The following ZNF638 variants were observed in gnomAD, a reference collection of about 807,000 sequenced individuals.
ZNF638 encodes the protein CTCL tumor antigen se33-1.
ZNF638 carries 46 observed loss-of-function variants against 195.6 expected under a neutral mutation model. That is an observed-to-expected ratio of 0.24 (90% CI 0.19 to 0.30). The LOEUF is 0.30. ZNF638 is among the 10% of genes least tolerant of loss of function. The pLI, the probability that ZNF638 is intolerant of heterozygous loss-of-function variation, is 1.00. For missense variants in ZNF638, 2,440 were observed against 2,325.3 expected (o/e 1.05, Z -1.01); for synonymous variants, 845 against 772.0 (o/e 1.09, Z -1.57).
chr2:71,424,390 T>G (rs1350304360), intron 22 of ZNF638, among the ~76,000 whole-genome samples: 1 of 152,154 alleles, frequency 6.6e-6, no homozygotes, highest in Non-Finnish European at 1.5e-5. Flanking sequence ...GAAGCTTCCT[T>G]TATCAGGTCA....
At chr2:71,341,571 T>A (rs2078762279) in intron 1 of ZNF638, 1 of 152,218 alleles carries the variant, frequency 6.6e-6, no homozygotes, top group Non-Finnish European at 1.5e-5. Context: ...GCAGCTTTAT[T>A]GTTTCTGTAA....
chr2:71,350,038 G>C lies in ZNF638; in HGVS notation c.1084G>C (p.Val362Leu), dbSNP rs751043105. 6.2e-7 allele frequency: 1 copy of C among 1,614,110 alleles called. No individual in the cohort carries two copies. Among genetic ancestry groups the C allele is most frequent in the Non-Finnish European group, 8.5e-7 (1 of 1,180,024 alleles). The change falls in exon 2 of 28, where the codon GTA (valine) becomes CTA (leucine). Residue 362 changes from valine to leucine, a missense_variant. By Grantham distance (32) the Val-to-Leu change is conservative (BLOSUM62 1). Transcript: ENST00000264447. ...PHEPVINSSN[V>L]HVGSRGSKKN... ...TGAACCTGTGATTAATTCATCTAAC[G>C]TACATGTTGGATCAAGAGGAAGTAA...
intron 17 of ZNF638, 70 bp downstream of exon 17, chr2:71,404,068 T>G: frequency 6.8e-7 from 1 of 1,459,958 alleles, no homozygotes; most frequent in African/African-American, 1.4e-5. Flanking sequence ...GTCTGTTATG[T>G]TTTCTAGTTT....
At chr2:71,432,470 G>T (rs2080685194) in intron 26 of ZNF638, among the ~76,000 whole-genome samples, 1 of 152,168 alleles carries the variant, frequency 6.6e-6, no homozygotes, top group Non-Finnish European at 1.5e-5. Context: ...CAAAGTGCTG[G>T]GATTATAGGC....
intron 10 of ZNF638, among the ~76,000 whole-genome samples, chr2:71,382,058 A>C (rs2079543408): frequency 1.3e-5 from 2 of 152,090 alleles, no homozygotes; most frequent in Non-Finnish European, 2.9e-5. Context: ...ATTATATGGA[A>C]TTTTTCAGTA....
chr2:71,424,801 A>T lies in ZNF638; in HGVS notation c.4590+86A>T, dbSNP rs979007794. The stretch of plus-strand genomic sequence containing the variant: ...TCTTATAACTTGTGCCTGCCTTAAC[A>T]ATGTTAGTGACTAAGAGTTTAGAGC... On this transcript the variant is annotated intron_variant, in intron 23 of 27. Coordinates refer to ENST00000264447, the MANE Select transcript of ZNF638 (RefSeq NM_014497.5). The T allele has an allele frequency of 5.8e-5, 64 of 1,095,140 alleles. 1 individual carries two copies. In the African/African-American group the frequency reaches 9.2e-4, roughly 16 times the overall value. 67.8% of individuals were successfully genotyped at this position (1,095,140 alleles called of 1,614,324 possible).
Position 71,365,429 on chromosome 2 carries a change from A to T in ZNF638, c.1718A>T (p.Asp573Val). 1.3e-6 allele frequency: 2 copies of T among 1,576,150 alleles called. No individual in the cohort carries two copies. Among genetic ancestry groups the T allele is most frequent in the Non-Finnish European group, 1.7e-6 (2 of 1,165,504 alleles). ...AATTATATTTATATCTTTTTACTAG[A>T]TAGAAAAAAAGCATTAGAAGATGTA... ...RMSRRSVRSS[D>V]RKKALEDVVQ... The change falls in exon 6 of 28, where the codon GAT (aspartate) becomes GTT (valine). Residue 573 changes from aspartate to valine, a missense_variant and splice_region_variant. Coordinates refer to ENST00000264447, the MANE Select transcript of ZNF638 (RefSeq NM_014497.5).
chr2:71,391,915 G>A (rs1392822458), intron 10 of ZNF638, among the ~76,000 whole-genome samples: 1 of 152,152 alleles, frequency 6.6e-6, no homozygotes, highest in African/African-American at 2.4e-5. Context: ...TCAGTTGTTT[G>A]TTTTTCCTGC....
At chr2:71,419,446 G>A (rs188827804) in intron 21 of ZNF638, among the ~76,000 whole-genome samples, 21 of 152,304 alleles carry the variant, frequency 1.4e-4, no homozygotes, top group Non-Finnish European at 2.6e-4. Context: ...ATGCACTGAT[G>A]TTAAGATCCC....
intron 10 of ZNF638, among the ~76,000 whole-genome samples, chr2:71,383,762 C>CTTTTTTTTTTTTTTTTTTTTTT (rs1181570876): frequency 5.6e-4 from 43 of 76,720 alleles, no homozygotes; most frequent in Non-Finnish European, 6.6e-4. Context: ...TTTTCTTTTT[C>CTTTTTTTTTTTTTTTTTTTTTT]TTTTTTTTTT....
At chr2:71,389,346 TATAAAG>T (rs1427284630) in intron 10 of ZNF638, among the ~76,000 whole-genome samples, 4 of 152,166 alleles carry the variant, frequency 2.6e-5, no homozygotes, top group Non-Finnish European at 4.4e-5. Context: ...TTTTGACGCT[TATAAAG>T]ATAAGAAAAA....
intron 10 of ZNF638, chr2:71,393,753 T>A (rs889061814): frequency 1.3e-5 from 8 of 635,606 alleles, no homozygotes; most frequent in Non-Finnish European, 2.0e-5. Context: ...TCTTACGCCC[T>A]GTTACCTGGG....
At chr2:71,431,301 A>G in intron 25 of ZNF638, 26 bp from the exon 26 acceptor site, 1 of 1,580,284 alleles carries the variant, frequency 6.3e-7, no homozygotes, top group Non-Finnish European at 8.7e-7. Context: ...TATTCTGAAT[A>G]GCTTTTTTTC....
At chr2:71,357,161 C>A (rs1222364057) in intron 3 of ZNF638, among the ~76,000 whole-genome samples, 1 of 152,130 alleles carries the variant, frequency 6.6e-6, no homozygotes, top group East Asian at 1.9e-4. Flanking sequence ...TAAAGCACTT[C>A]TTTCTCCATA....
intron 11 of ZNF638, among the ~76,000 whole-genome samples, chr2:71,397,671 T>C (rs1207080694): frequency 1.3e-5 from 2 of 152,196 alleles, no homozygotes; most frequent in African/African-American, 4.8e-5. Flanking sequence ...ATCTTGGGCT[T>C]TTTCCTCATC....
At chr2:71,356,091 C>G (rs897106199) in intron 3 of ZNF638, among the ~76,000 whole-genome samples, 1 of 152,222 alleles carries the variant, frequency 6.6e-6, no homozygotes, top group African/African-American at 2.4e-5. Context: ...CCTTTCTTCT[C>G]CTATCTCCAC....
intron 1 of ZNF638, among the ~76,000 whole-genome samples, chr2:71,339,446 C>T (rs757888815): frequency 3.9e-5 from 6 of 152,146 alleles, no homozygotes; most frequent in Non-Finnish European, 7.4e-5. Context: ...CCACCGCGCC[C>T]GGCCAGTTTA....
rs760514632 is a variant in ZNF638 at position 71,422,810 on chromosome 2, T to A, written c.3300-4T>A. On this transcript the variant is annotated splice_region_variant and splice_polypyrimidine_tract_variant and intron_variant, in intron 21 of 27. Coordinates refer to ENST00000264447, the MANE Select transcript of ZNF638 (RefSeq NM_014497.5). ...TCTTTTTGTTTGTTTTTAAATACTT[T>A]TAGCCCTGGCTTGAAAAACAGTCCA... 1 of 1,603,648 alleles carries A rather than the reference T, an allele frequency of 6.2e-7. No homozygotes were observed. The highest frequency in any genetic ancestry group is 8.5e-7 in the Non-Finnish European group (1 of 1,175,600).
At chr2:71,420,685 C>T (rs2080413063) in intron 21 of ZNF638, among the ~76,000 whole-genome samples, 1 of 152,130 alleles carries the variant, frequency 6.6e-6, no homozygotes, top group African/African-American at 2.4e-5. Context: ...TGTTCCATTT[C>T]CCAGAATGTG....
Sources: allele counts gnomAD v4.1 joint callset (sites outside exome capture counted in the v4.1 genomes callset), GRCh38; gene constraint gnomAD v4.1.1; transcripts MANE v1.5; gene names NCBI Gene and HGNC (gene_info 2026-07-23, HGNC 2026-07-21).